HPS3: variants seen among roughly 807,000 people sequenced by gnomAD.
HPS3 encodes the protein HPS3 biogenesis of lysosomal organelles complex 2 subunit 1.
A neutral mutation model predicts 110.9 loss-of-function variants in HPS3; 79 were observed. The ratio of observed to expected loss-of-function variants is 0.71; its 90% CI spans 0.59 to 0.86. HPS3 has a LOEUF of 0.86. Among genes scored for constraint, HPS3 ranks in the 40% least tolerant of loss-of-function variants. HPS3 has a pLI of 0.00. For missense variants in HPS3, 1,197 were observed against 1,206.2 expected (o/e 0.99, Z 0.11); for synonymous variants, 428 against 451.0 (o/e 0.95, Z 0.65).
At chr3:149,153,466 G>A in intron 6 of HPS3, 28 bp from the exon 7 acceptor site, 1 of 1,597,008 alleles carries the variant, frequency 6.3e-7, no homozygotes, top group Non-Finnish European at 8.6e-7. Context: ...TTTATTTCTT[G>A]CTTAAATATG....
At chr3:149,139,362 G>C (rs1412332007) in intron 1 of HPS3, among the ~76,000 whole-genome samples, 1 of 152,200 alleles carries the variant, frequency 6.6e-6, no homozygotes, top group Non-Finnish European at 1.5e-5. Flanking sequence ...GAAAGGTGTT[G>C]AAAGGCACAT....
Position 149,140,487 on chromosome 3 carries a change from G to T in HPS3, c.701G>T (p.Arg234Leu). ...CATAAGACCAACAATCGAATAAGAC[G>T]GACAGAAGAAGGTAAATAATGAATT... is the stretch of plus-strand genomic sequence containing the variant. ...HPHKTNNRIR[R>L]TEEGISNEIS... is the part of the protein sequence containing the mutation. The change falls in exon 2 of 17, where the codon CGG becomes CTG. Residue 234 changes from arginine to leucine, a missense_variant. By Grantham distance (102) the Arg-to-Leu change is moderately radical. Coordinates refer to ENST00000296051, the MANE Select transcript of HPS3 (RefSeq NM_032383.5). 2.5e-6 allele frequency: 4 copies of T among 1,613,996 alleles called. No homozygotes were observed. The highest frequency in any genetic ancestry group is 3.4e-6 in the Non-Finnish European group (4 of 1,179,958).
At chr3:149,170,321 C>G (rs1724849210) in intron 16 of HPS3, 1 of 152,184 alleles carries the variant, frequency 6.6e-6, no homozygotes, top group African/African-American at 2.4e-5. Context: ...TTCTGAGATG[C>G]TACTTACAGG....
At chr3:149,130,022 C>G in intron 1 of HPS3, 82 bp downstream of exon 1, 2 of 1,323,754 alleles carry the variant, frequency 1.5e-6, no homozygotes, top group Non-Finnish European at 2.1e-6. Context: ...TGGGCTGTAG[C>G]TCTAGCTAGG....
intron 5 of HPS3, among the ~76,000 whole-genome samples, chr3:149,148,597 G>T (rs560699363): frequency 1.3e-5 from 2 of 151,236 alleles, no homozygotes; most frequent in South Asian, 4.2e-4. Flanking sequence ...TAGAGGCGGG[G>T]TTTCACCATG....
In HPS3 at chr3:149,158,651, T is replaced by C; in HGVS notation, c.1692-15T>C. On this transcript the variant is annotated splice_polypyrimidine_tract_variant and intron_variant, in intron 9 of 16. Transcript: ENST00000296051. Reference sequence around the variant, plus strand: ...AAAGTGACAAATTTGAGGTTTTTCATTTCCTTCCCTTTAGGCTTGACTCCC... The same window carrying C: ...AAAGTGACAAATTTGAGGTTTTTCACTTCCTTCCCTTTAGGCTTGACTCCC... 1 of 1,612,388 alleles carries C rather than the reference T, an allele frequency of 6.2e-7. No individual in the cohort carries two copies. The highest frequency in any genetic ancestry group is 1.1e-5 in the South Asian group (1 of 91,050).
In HPS3 at chr3:149,163,354, CTCTT is replaced by C. The variant is rs549206248; in HGVS notation, c.2481+480_2482-481del. ...TGGCACTTGAGGCAGCCAGTAACAACTCTTTCTACCCTTCTTGCTACCGTTCTTG... is the reference window on the plus strand; with the variant it reads ...TGGCACTTGAGGCAGCCAGTAACAACTCTACCCTTCTTGCTACCGTTCTTG... On this transcript the variant is annotated intron_variant, in intron 13 of 16. Coordinates refer to ENST00000296051, the MANE Select transcript of HPS3 (RefSeq NM_032383.5). 1.9e-3 allele frequency among the ~76,000 whole-genome samples: 288 copies of C among 152,278 alleles called. 3 individuals are homozygous for C. The highest frequency in any genetic ancestry group is 6.3e-3 in the African/African-American group (261 of 41,552).
rs1177065154 is a variant in HPS3, at chr3:149,150,509, A to G, written c.1164-90A>G. 6.4e-6 allele frequency: 6 copies of G among 931,822 alleles called. No homozygotes were observed. The Admixed American group carries it at 8.9e-5, about 14-fold the overall frequency. 57.7% of individuals were successfully genotyped at this position (931,822 alleles called of 1,614,324 possible). On this transcript the variant is annotated intron_variant, in intron 5 of 16. Coordinates refer to ENST00000296051, the MANE Select transcript of HPS3 (RefSeq NM_032383.5). ...AAATACTTGACTGTCACCCCTGCCC[A>G]TTGCCCTGTTTGCCTGTGAAACCCT... is the stretch of plus-strand genomic sequence containing the variant.
chr3:149,172,090 C>T lies in HPS3; in HGVS notation c.2888-5C>T, dbSNP rs1725051925. On this transcript the variant is annotated splice_region_variant and splice_polypyrimidine_tract_variant and intron_variant, in intron 16 of 16. Coordinates refer to ENST00000296051, the MANE Select transcript of HPS3 (RefSeq NM_032383.5). ...ATTCTAATTCAGATATTCTTTTCTA[C>T]ACAGAAACATTGTCAATTGTTGCTG... 1.2e-6 allele frequency: 2 copies of T among 1,612,328 alleles called. No individual in the cohort carries two copies. Among genetic ancestry groups the T allele is most frequent in the East Asian group, 2.2e-5 (1 of 44,824 alleles).
Position 149,129,935 on chromosome 3 carries a change from A to G in HPS3, c.212A>G (p.Glu71Gly), listed in dbSNP as rs1721649678. 6.5e-7 allele frequency: 1 copy of G among 1,543,938 alleles called. No individual in the cohort carries two copies. Among genetic ancestry groups the G allele is most frequent in the African/African-American group, 1.4e-5 (1 of 73,314 alleles). Residue 71 changes from glutamate (E) to glycine (G), a missense_variant, in exon 1 of 17, where the codon GAG becomes GGG. Physicochemically the swap from Glu to Gly is moderately conservative, Grantham distance 98. Coordinates refer to ENST00000296051, the MANE Select transcript of HPS3 (RefSeq NM_032383.5). ...CGGGTGTTGCGCCTGGCCTACAGCG[A>G]GGCTGGTGAGTAATCTAGAGAGCCA... ...LGRVLRLAYS[E>G]AGDYLVAIEE... is the part of the protein sequence containing the mutation.
chr3:149,129,644 A>C lies in HPS3; in HGVS notation c.-80A>C. 9.2e-7 allele frequency: 1 copy of C among 1,092,386 alleles called. No individual in the cohort carries two copies. The highest frequency in any genetic ancestry group is 1.3e-6 in the Non-Finnish European group (1 of 795,500). 67.7% of individuals were successfully genotyped at this position (1,092,386 alleles called of 1,614,324 possible). A position where few individuals can be genotyped will look rare whatever the true frequency, so the allele number is the denominator to read the frequency against. The stretch of plus-strand genomic sequence containing the variant: ...GCGTCATTGGCTCGCTCGCGGAAGT[A>C]GTCCTACATTCGCGGTCAGCGCGGG... On this transcript the variant is annotated 5_prime_UTR_variant, in exon 1 of 17. Coordinates refer to ENST00000296051, the MANE Select transcript of HPS3 (RefSeq NM_032383.5).
intron 6 of HPS3, among the ~76,000 whole-genome samples, chr3:149,151,000 T>C (rs1386511108): frequency 6.9e-6 from 1 of 144,142 alleles, no homozygotes; most frequent in Non-Finnish European, 1.6e-5. Flanking sequence ...TTTTTTATTT[T>C]TTTGATTTTA....
intron 8 of HPS3, 148 bp downstream of exon 8, chr3:149,155,363 G>A (rs1355780740): frequency 1.5e-6 from 1 of 652,388 alleles, no homozygotes; most frequent in Non-Finnish European, 2.8e-6. Flanking sequence ...ATCTCTCTCT[G>A]CCTCCTCATT....
At chr3:149,139,325 C>G (rs1210766699) in intron 1 of HPS3, among the ~76,000 whole-genome samples, 2 of 151,904 alleles carry the variant, frequency 1.3e-5, no homozygotes, top group East Asian at 3.8e-4. Flanking sequence ...GACAGAATAC[C>G]TCTCTGTGAT....
rs1352948653 is a variant in HPS3 at position 149,172,438 on chromosome 3, T to C, written c.*216T>C. ...CTTCTTAATTTATGACCTCAATCAA[T>C]TTAATTGTCTAGAATGTAAAAAGTC... On this transcript the variant is annotated 3_prime_UTR_variant, in exon 17 of 17. Transcript: ENST00000296051. 4.3e-6 allele frequency: 2 copies of C among 464,740 alleles called. No homozygotes were observed. The highest frequency in any genetic ancestry group is 3.9e-6 in the Non-Finnish European group (1 of 253,972). 28.8% of individuals were successfully genotyped at this position (464,740 alleles called of 1,614,324 possible).
At chr3:149,150,483 C>A (rs1422966309) in intron 5 of HPS3, 116 bp from the exon 6 acceptor site, 1 of 759,196 alleles carries the variant, frequency 1.3e-6, no homozygotes, top group Admixed American at 2.0e-5. Flanking sequence ...CAATATTTGA[C>A]AAATACTTGA....
intron 14 of HPS3, among the ~76,000 whole-genome samples, chr3:149,165,462 A>G (rs1326150116): frequency 6.7e-6 from 1 of 149,452 alleles, no homozygotes; most frequent in Non-Finnish European, 1.5e-5. Flanking sequence ...AAGGAGAAAC[A>G]TAGTCTGCCT....
intron 10 of HPS3, among the ~76,000 whole-genome samples, chr3:149,159,180 C>T (rs565607585): frequency 1.3e-5 from 2 of 152,130 alleles, no homozygotes; most frequent in African/African-American, 4.8e-5. Context: ...CAGTCCTTCC[C>T]GCAACCCTAA....
In HPS3 at chr3:149,140,194, C is replaced by G. The variant is rs200726828; in HGVS notation, c.408C>G (p.Pro136=). Residue 136 remains proline, a synonymous_variant, in exon 2 of 17, where the codon CCC becomes CCG. Transcript: ENST00000296051. ...TTGAAATGCCGCTTTCGGAGGCCCC[C>G]TTGTGCATTTCCTGTTGCCCTGTGA... ...YIIEMPLSEA[P]LCISCCPVKG... 6.2e-7 allele frequency: 1 copy of G among 1,614,174 alleles called. No individual in the cohort carries two copies. The highest frequency in any genetic ancestry group is 1.7e-5 in the Admixed American group (1 of 60,016).
Sources: gnomAD v4.1 joint callset for allele counts (sites outside exome capture counted in the v4.1 genomes callset) on GRCh38, gnomAD v4.1.1 for gene constraint, MANE v1.5 for transcripts, NCBI Gene and HGNC (gene_info 2026-07-23, HGNC 2026-07-21) for gene names.